Variants in RYR3 observed in about 807,000 individuals in gnomAD.
RYR3 encodes ryanodine receptor 3, also known as brain ryanodine receptor-calcium release channel.
Under a neutral mutation model 584.3 loss-of-function variants are expected in RYR3, and 207 were observed. That is an observed-to-expected ratio of 0.35 (90% CI 0.32 to 0.40). The LOEUF (loss-of-function observed/expected upper bound fraction) is 0.40. Ranked by LOEUF, RYR3 falls within the 10% of genes least tolerant of loss-of-function variation. The pLI, the probability that RYR3 is intolerant of heterozygous loss-of-function variation, is 1.00. For synonymous variants in RYR3, 2,416 were observed against 2,248.5 expected (o/e 1.07, Z -2.11); for missense variants, 5,616 against 6,089.2 (o/e 0.92, Z 2.59).
chr15:33,796,353 T>C (rs1372808696), intron 67 of RYR3, among the ~76,000 whole-genome samples: 2 of 152,096 alleles, frequency 1.3e-5, no homozygotes, highest in East Asian at 3.9e-4. Flanking sequence ...AAGCTGGTCT[T>C]GAAGTCCTGA....
intron 30 of RYR3, among the ~76,000 whole-genome samples, 173 bp from the exon 31 acceptor site, chr15:33,648,899 A>G (rs2062269250): frequency 1.3e-5 from 2 of 152,196 alleles, no homozygotes; most frequent in African/African-American, 4.8e-5. Context: ...CAGAATCCCT[A>G]TTCAGCCTTC....
At chr15:33,683,819 A>G (rs2064804182) in intron 38 of RYR3, among the ~76,000 whole-genome samples, 1 of 152,276 alleles carries the variant, frequency 6.6e-6, no homozygotes, top group Non-Finnish European at 1.5e-5. Context: ...CAACTGGCAG[A>G]CAAGGAGATT....
chr15:33,511,995 G>A (rs545220304), intron 3 of RYR3, among the ~76,000 whole-genome samples: 32 of 152,170 alleles, frequency 2.1e-4, no homozygotes, highest in African/African-American at 7.7e-4. Flanking sequence ...AGCCAGGATG[G>A]TCTTGATCTC....
At chr15:33,392,241 G>C (rs2042044511) in intron 1 of RYR3, among the ~76,000 whole-genome samples, 1 of 151,194 alleles carries the variant, frequency 6.6e-6, no homozygotes, top group Non-Finnish European at 1.5e-5. Flanking sequence ...GGAATGAAGA[G>C]ACTCTGTCTG....
At chr15:33,668,921 T>C (rs943608958) in intron 36 of RYR3, among the ~76,000 whole-genome samples, 2 of 152,162 alleles carry the variant, frequency 1.3e-5, no homozygotes, top group African/African-American at 2.4e-5. Context: ...ACATAAATTA[T>C]AATTCTTCCA....
rs558186222 is a variant in RYR3, at chr15:33,338,192, G to A, written c.51+27096G>A. 3.3e-5 allele frequency among the ~76,000 whole-genome samples: 5 copies of A among 152,080 alleles called. 1 individual carries two copies. Among genetic ancestry groups the A allele is most frequent in the South Asian group, 2.1e-4 (1 of 4,820 alleles). ...GATCTTCTGACCTTGTGATCTGCCC[G>A]TCTTGGCCTCCCAAAGTGCTGGGAT... On this transcript the variant is annotated intron_variant, in intron 1 of 103. Transcript: ENST00000634891.
At chr15:33,839,820 C>A (rs1053841995) in intron 89 of RYR3, 1 of 152,074 alleles carries the variant, frequency 6.6e-6, no homozygotes, top group African/African-American at 2.4e-5. Flanking sequence ...AACGCTGGTT[C>A]GAAGATTCAG....
At chr15:33,396,820 T>C (rs981213700) in intron 1 of RYR3, among the ~76,000 whole-genome samples, 6 of 152,160 alleles carry the variant, frequency 3.9e-5, no homozygotes, top group Non-Finnish European at 7.4e-5. Flanking sequence ...CACTCATAGA[T>C]ATCCTGGGCT....
intron 1 of RYR3, among the ~76,000 whole-genome samples, chr15:33,342,930 G>A (rs879541568): frequency 2.0e-5 from 3 of 152,158 alleles, no homozygotes; most frequent in Admixed American, 1.3e-4. Context: ...AGATACCATG[G>A]GGGTCTACAG....
At chr15:33,634,471 TA>T in intron 24 of RYR3, 114 bp from the exon 25 acceptor site, 1 of 946,460 alleles carries the variant, frequency 1.1e-6, no homozygotes, top group South Asian at 1.5e-5. Context: ...AGGGAAGGGC[TA>T]ATAGACCTAG....
In RYR3 at chr15:33,647,469, A is replaced by G; in HGVS notation, c.3978+9A>G. ...TCTCTCATACAACAACAGTAAGTAA[A>G]TGTGCTCAATTATGGTTTTAATTAT... On this transcript the variant is annotated intron_variant, in intron 30 of 103. Transcript: ENST00000634891. 6.3e-7 allele frequency: 1 copy of G among 1,587,868 alleles called. No individual in the cohort carries two copies. Among genetic ancestry groups the G allele is most frequent in the East Asian group, 2.2e-5 (1 of 44,736 alleles).
chr15:33,662,789 T>A lies in RYR3; in HGVS notation c.5259T>A (p.Ser1753=). The change falls in exon 35 of 104, where the codon TCT becomes TCA. Residue 1753 remains serine, a synonymous_variant. Coordinates refer to ENST00000634891, the MANE Select transcript of RYR3 (RefSeq NM_001036.6). The stretch of plus-strand genomic sequence containing the variant: ...AGATCCTCCTCCTGATTGATCCCTC[T>A]GTGTTTGGGGAGCATAGTGCGGGGA... ...VRQILLLIDP[S]VFGEHSAGTE... 1 of 1,613,946 alleles carries A rather than the reference T, an allele frequency of 6.2e-7. No individual in the cohort carries two copies. Among genetic ancestry groups the A allele is most frequent in the Non-Finnish European group, 8.5e-7 (1 of 1,179,908 alleles).
At chr15:33,794,000 A>T (rs1331165447) in intron 67 of RYR3, among the ~76,000 whole-genome samples, 1 of 78,706 alleles carries the variant, frequency 1.3e-5, no homozygotes, top group Admixed American at 1.3e-4. Flanking sequence ...AAATACATAT[A>T]ATACACATAA....
intron 85 of RYR3, among the ~76,000 whole-genome samples, chr15:33,827,710 C>T (rs990473146): frequency 3.3e-5 from 5 of 151,088 alleles, no homozygotes; most frequent in Non-Finnish European, 5.9e-5. Flanking sequence ...CAAGGAAGCC[C>T]AAATTATATT....
At chr15:33,828,077 C>A (rs2077471980) in intron 85 of RYR3, among the ~76,000 whole-genome samples, 1 of 152,234 alleles carries the variant, frequency 6.6e-6, no homozygotes, top group South Asian at 2.1e-4. Context: ...TGATGATTCT[C>A]ACAATATTTC....
intron 6 of RYR3, among the ~76,000 whole-genome samples, chr15:33,539,882 G>T (rs1173246750): frequency 1.3e-5 from 2 of 152,078 alleles, no homozygotes; most frequent in Non-Finnish European, 2.9e-5. Flanking sequence ...CTTCATCCTT[G>T]TCATCTTCAC....
intron 4 of RYR3, among the ~76,000 whole-genome samples, chr15:33,532,081 T>A (rs2054927482): frequency 6.6e-6 from 1 of 152,194 alleles, no homozygotes; most frequent in Non-Finnish European, 1.5e-5. Context: ...GCTCTGGGAA[T>A]AAAGCCTATA....
chr15:33,603,029 G>C (rs188972387), intron 17 of RYR3, 94 bp from the exon 18 acceptor site: 1 of 1,306,612 alleles, frequency 7.7e-7, no homozygotes. Context: ...CTTGTCCTAC[G>C]TGTAAATGGG....
intron 2 of RYR3, among the ~76,000 whole-genome samples, chr15:33,497,301 T>C (rs1166748024): frequency 6.6e-6 from 1 of 152,174 alleles, no homozygotes; most frequent in Non-Finnish European, 1.5e-5. Context: ...TACATGGTCT[T>C]TCTGACACTT....
Sources: gnomAD v4.1 joint callset for allele counts (sites outside exome capture counted in the v4.1 genomes callset) on GRCh38, gnomAD v4.1.1 for gene constraint, MANE v1.5 for transcripts, NCBI Gene and HGNC (gene_info 2026-07-23, HGNC 2026-07-21) for gene names.